The following EFCAB5 variants were observed in gnomAD, a reference collection of about 807,000 sequenced individuals.
The protein encoded by EFCAB5 is EF-hand calcium-binding domain-containing protein 5.
In EFCAB5, 131 loss-of-function variants were observed where a neutral mutation model predicts 167.9. The observed-to-expected ratio is 0.78, with a 90% CI of 0.68 to 0.90. The LOEUF (loss-of-function observed/expected upper bound fraction) is 0.90. Among genes scored for constraint, EFCAB5 ranks in the 40% least tolerant of loss-of-function variants. The pLI is 0.00. For synonymous variants in EFCAB5, 574 were observed against 602.8 expected (o/e 0.95, Z 0.70); for missense variants, 1,663 against 1,745.2 (o/e 0.95, Z 0.84).
intron 12 of EFCAB5, among the ~76,000 whole-genome samples, chr17:30,057,062 A>G (rs553791214): frequency 1.3e-5 from 2 of 152,306 alleles, no homozygotes; most frequent in South Asian, 4.1e-4. Flanking sequence ...CTATTGAGCT[A>G]AAAGGTAAAT....
intron 6 of EFCAB5, among the ~76,000 whole-genome samples, chr17:29,998,724 A>G (rs1449658590): frequency 1.3e-5 from 2 of 152,204 alleles, no homozygotes; most frequent in Non-Finnish European, 2.9e-5. Flanking sequence ...TTCAAGAGTG[A>G]TTGAAAAATC....
chr17:29,971,125 A>G (rs190833703), intron 4 of EFCAB5, among the ~76,000 whole-genome samples: 2 of 151,936 alleles, frequency 1.3e-5, no homozygotes, highest in African/African-American at 4.8e-5. Flanking sequence ...TATTAGATTC[A>G]TTACTAGTTA....
At position 29,998,417 on chromosome 17, in the gene EFCAB5, AATATTCATTGAGCCCTC is replaced by A. The variant is rs72299549; in HGVS notation, c.974-1487_974-1471del. On this transcript the variant is annotated intron_variant, in intron 6 of 22. Transcript: ENST00000394835. ...TTATTTCTGTACTATTCATTCGGTCAATATTCATTGAGCCCTCACTTAGTTCCAGATACTGTAATGAG... is the reference window on the plus strand; with the variant it reads ...TTATTTCTGTACTATTCATTCGGTCAACTTAGTTCCAGATACTGTAATGAG... Among the ~76,000 whole-genome samples the A allele has an allele frequency of 6.1e-3, 934 of 152,294 alleles. 6 individuals carry two copies. The highest frequency in any genetic ancestry group is 0.021 in the African/African-American group (892 of 41,558).
chr17:30,050,091 A>G (rs1215842128), intron 8 of EFCAB5, among the ~76,000 whole-genome samples: 1 of 152,180 alleles, frequency 6.6e-6, no homozygotes, highest in Admixed American at 6.5e-5. Flanking sequence ...TTGAGTAAAT[A>G]AAAGCAATTT....
intron 18 of EFCAB5, among the ~76,000 whole-genome samples, chr17:30,085,472 G>A (rs967284410): frequency 3.0e-4 from 45 of 152,332 alleles, no homozygotes; most frequent in East Asian, 1.9e-4. Context: ...TGTAATCCCA[G>A]CACTTTGGGA....
chr17:30,102,132 C>G (rs1027843067), intron 22 of EFCAB5, among the ~76,000 whole-genome samples: 2 of 149,028 alleles, frequency 1.3e-5, no homozygotes, highest in African/African-American at 5.2e-5. Context: ...TGGTAGAAGT[C>G]TACGGAAGGA....
At chr17:29,995,514 T>G (rs1211642491) in intron 5 of EFCAB5, among the ~76,000 whole-genome samples, 1 of 152,246 alleles carries the variant, frequency 6.6e-6, no homozygotes, top group Non-Finnish European at 1.5e-5. Flanking sequence ...CCTGGTACAA[T>G]TCTTGGAAGA....
At chr17:29,969,676 TA>T (rs950666069) in intron 4 of EFCAB5, among the ~76,000 whole-genome samples, 147 of 152,288 alleles carry the variant, frequency 9.7e-4, no homozygotes, top group Non-Finnish European at 1.7e-3. Context: ...TTTAAAAATT[TA>T]ATTTTCCATA....
chr17:29,978,922 C>G, intron 4 of EFCAB5, among the ~76,000 whole-genome samples: 1 of 152,168 alleles, frequency 6.6e-6, no homozygotes, highest in East Asian at 1.9e-4. Context: ...CTTTCACCAT[C>G]GAAACATGCT....
Position 29,941,664 on chromosome 17 carries a change from G to A in EFCAB5, c.-133G>A. 1 of 685,324 alleles carries A rather than the reference G, an allele frequency of 1.5e-6. No homozygotes were observed. Among genetic ancestry groups the A allele is most frequent in the Non-Finnish European group, 2.5e-6 (1 of 406,772 alleles). 42.5% of individuals were successfully genotyped at this position (685,324 alleles called of 1,614,324 possible). The stretch of plus-strand genomic sequence containing the variant: ...TCAATAGAATTGTGGGGTGAGGTGA[G>A]GGCAGGAGTGAGGGAGCTTTTTTAA... On this transcript the variant is annotated 5_prime_UTR_variant, in exon 1 of 23. Transcript: ENST00000394835.
intron 7 of EFCAB5, among the ~76,000 whole-genome samples, chr17:30,020,548 A>G (rs2069153490): frequency 1.3e-5 from 2 of 151,920 alleles, no homozygotes; most frequent in African/African-American, 4.8e-5. Context: ...TATTTTTAGT[A>G]GAGGCCAAGT....
At chr17:30,010,478 G>A (rs1343559525) in intron 7 of EFCAB5, among the ~76,000 whole-genome samples, 1 of 152,184 alleles carries the variant, frequency 6.6e-6, no homozygotes, top group Admixed American at 6.5e-5. Context: ...GTTGTTTCCT[G>A]ACGTTTTAAT....
rs1210030138 is a variant in EFCAB5, at chr17:29,943,579, G to A, written c.120G>A (p.Val40=). 6.3e-7 allele frequency: 1 copy of A among 1,581,394 alleles called. No individual in the cohort carries two copies. Among genetic ancestry groups the A allele is most frequent in the Non-Finnish European group, 8.6e-7 (1 of 1,163,090 alleles). ...TCTTTTCAAAGACCTTACAGAGTGT[G>A]CCAGACGTTCCTGTAAAAGAGGACA... ...VKELHETLQS[V]PDVPVKEDTN... The change falls in exon 3 of 23, where the codon GTG becomes GTA. Residue 40 remains valine (V), a synonymous_variant. Transcript: ENST00000394835.
chr17:29,967,147 A>G (rs1238711141), intron 3 of EFCAB5, among the ~76,000 whole-genome samples: 2 of 152,162 alleles, frequency 1.3e-5, no homozygotes, highest in Non-Finnish European at 2.9e-5. Flanking sequence ...CTTGGGTGGC[A>G]TTAGTTATTC....
intron 1 of EFCAB5, chr17:29,930,197 G>A (rs901287928): frequency 1.4e-5 from 8 of 572,698 alleles, no homozygotes; most frequent in Non-Finnish European, 2.4e-5. Flanking sequence ...AACGGGCGGC[G>A]GGCGGGCGGT....
At chr17:29,974,412 C>T (rs1273821962) in intron 4 of EFCAB5, among the ~76,000 whole-genome samples, 2 of 151,784 alleles carry the variant, frequency 1.3e-5, no homozygotes, top group Admixed American at 6.6e-5. Context: ...CTTGGTGGCA[C>T]ATGCCTACTA....
chr17:30,062,601 A>T (rs1202800977), intron 14 of EFCAB5, among the ~76,000 whole-genome samples: 1 of 152,132 alleles, frequency 6.6e-6, no homozygotes, highest in Non-Finnish European at 1.5e-5. Flanking sequence ...TGGCTACTGC[A>T]CTACACCAGC....
At chr17:30,096,900 G>A (rs1597571969) in intron 22 of EFCAB5, among the ~76,000 whole-genome samples, 4 of 147,942 alleles carry the variant, frequency 2.7e-5, no homozygotes, top group Admixed American at 2.0e-4. Context: ...GGCTGGTCTC[G>A]AACTCCTGAC....
Position 29,966,414 on chromosome 17 carries a change from T to C in EFCAB5, c.191-2377T>C, listed in dbSNP as rs544749500. Among the ~76,000 whole-genome samples the C allele has an allele frequency of 2.0e-5, 3 of 152,280 alleles. No homozygotes were observed. In the East Asian group the frequency reaches 5.8e-4, roughly 29 times the overall value. On this transcript the variant is annotated intron_variant, in intron 3 of 22. Coordinates refer to ENST00000394835, the MANE Select transcript of EFCAB5 (RefSeq NM_198529.4). The stretch of plus-strand genomic sequence containing the variant: ...GGGAGGCCAAGGTGGGTGAATCACT[T>C]GAAGCCAGGAGTTCAAGACCAGCCT...
Sources: allele counts gnomAD v4.1 joint callset (sites outside exome capture counted in the v4.1 genomes callset), GRCh38; gene constraint gnomAD v4.1.1; transcripts MANE v1.5; gene names NCBI Gene and HGNC (gene_info 2026-07-23, HGNC 2026-07-21).